The following ROR1 variants were observed in gnomAD, a reference collection of about 807,000 sequenced individuals.
ROR1 encodes ROR family WNT receptor 1.
A neutral mutation model predicts 78.8 loss-of-function variants in ROR1; 19 were observed. The ratio of observed to expected loss-of-function variants is 0.24; its 90% confidence interval spans 0.17 to 0.35. The LOEUF (loss-of-function observed/expected upper bound fraction) is 0.35, where lower values mean the gene tolerates loss of function less well. Among genes scored for constraint, ROR1 ranks in the 10% least tolerant of loss-of-function variants. The pLI is 1.00. For missense variants in ROR1, 917 were observed against 1,177.8 expected, an observed-to-expected ratio of 0.78 and a Z score of 3.24; for synonymous variants, 386 against 433.6, an observed-to-expected ratio of 0.89 and a Z score of 1.36.
At chr1:64,076,138 G>A (rs1464887041) in intron 4 of ROR1, among the ~76,000 whole-genome samples, 4 of 152,098 alleles carry the variant, frequency 2.6e-5, no homozygotes, top group African/African-American at 4.8e-5. Flanking sequence ...CTTATTTCTT[G>A]GAGTAGCAAG....
At position 64,159,139 on chromosome 1, in the gene ROR1, C is replaced by G. The variant is rs200262178; in HGVS notation, c.1333C>G (p.His445Asp). The change falls in exon 8 of 9, where the codon CAC becomes GAC. Residue 445 changes from histidine to aspartate, a missense_variant. Around this residue, in one of 3 missense-constraint regions of ROR1, gnomAD observed 835 missense variants for 1,069.8 expected, o/e 0.78. Transcript: ENST00000371079. ...GGCACCAGTCCAGAGGCAACCAAAACACGTCAGAGGTCAAAATGTAGAGAT... is the reference window on the plus strand; with the variant it reads ...GGCACCAGTCCAGAGGCAACCAAAAGACGTCAGAGGTCAAAATGTAGAGAT... The part of the protein sequence containing the change: ...SSAPVQRQPK[H>D]VRGQNVEMSM... The G allele has an allele frequency of 1.2e-6, 2 of 1,614,106 alleles. No individual in the cohort carries two copies. The highest frequency in any genetic ancestry group is 2.2e-5 in the East Asian group (1 of 44,880).
intron 1 of ROR1, among the ~76,000 whole-genome samples, chr1:63,863,429 A>AGTCATGCCTGTCTTTGGGCTC (rs1553138320): frequency 4.6e-5 from 7 of 152,098 alleles, no homozygotes; most frequent in Non-Finnish European, 7.4e-5. Context: ...TATCTGGGCA[A>AGTCATGCCTGTCTTTGGGCTC]GTCATGCCTG....
chr1:63,793,578 G>T (rs1644739854), intron 1 of ROR1, among the ~76,000 whole-genome samples: 1 of 152,252 alleles, frequency 6.6e-6, no homozygotes, highest in African/African-American at 2.4e-5. Context: ...AGTGCTGGGT[G>T]CTGGCAATGC....
In ROR1 at chr1:64,009,329, A is replaced by C; in HGVS notation, c.116A>C (p.Glu39Ala). 1 of 1,613,728 alleles carries C rather than the reference A, an allele frequency of 6.2e-7. No individual in the cohort carries two copies. Among genetic ancestry groups the C allele is most frequent in the African/African-American group, 1.3e-5 (1 of 74,972 alleles). ...GAAACAGAGCTGTCAGTCAGTGCTG[A>C]ATTAGTGCCTACCTCATCATGGAAC... Reference protein sequence around the residue: ...AQETELSVSAELVPTSSWNIS... With the variant: ...AQETELSVSAALVPTSSWNIS... Residue 39 changes from glutamate (E) to alanine (A), a missense_variant, in exon 2 of 9, where the codon GAA becomes GCA. Coordinates refer to ENST00000371079, the MANE Select transcript of ROR1 (RefSeq NM_005012.4).
chr1:63,966,548 GT>G (rs1240207836), intron 1 of ROR1, among the ~76,000 whole-genome samples: 1 of 152,200 alleles, frequency 6.6e-6, no homozygotes, highest in Non-Finnish European at 1.5e-5. Context: ...TACAACAGAA[GT>G]TAAGGAAAGG....
At chr1:63,949,583 C>T (rs1645918078) in intron 1 of ROR1, among the ~76,000 whole-genome samples, 2 of 152,100 alleles carry the variant, frequency 1.3e-5, no homozygotes, top group Admixed American at 1.3e-4. Flanking sequence ...TTTACGGGTG[C>T]TATTTTCTTT....
intron 1 of ROR1, among the ~76,000 whole-genome samples, chr1:63,907,797 C>G (rs1241991770): frequency 6.6e-6 from 1 of 152,158 alleles, no homozygotes; most frequent in Non-Finnish European, 1.5e-5. Flanking sequence ...AACATGTGTT[C>G]CAATCCTGGG....
chr1:63,799,134 G>T (rs1006963823), intron 1 of ROR1, among the ~76,000 whole-genome samples: 3 of 152,106 alleles, frequency 2.0e-5, no homozygotes, highest in Non-Finnish European at 4.4e-5. Context: ...ACCTTAAAAG[G>T]CTGCTAGGAA....
chr1:63,902,789 CA>C (rs1247089919), intron 1 of ROR1, among the ~76,000 whole-genome samples: 3 of 152,172 alleles, frequency 2.0e-5, no homozygotes, highest in African/African-American at 7.2e-5. Flanking sequence ...AGGAGATAGG[CA>C]GTAGACATTT....
chr1:63,824,749 T>C (rs1026069892), intron 1 of ROR1, among the ~76,000 whole-genome samples: 6 of 152,218 alleles, frequency 3.9e-5, no homozygotes, highest in African/African-American at 1.4e-4. Flanking sequence ...TTTTATTATA[T>C]ATTTACTCAT....
chr1:63,838,477 A>G (rs1041901579), intron 1 of ROR1, among the ~76,000 whole-genome samples: 2 of 152,110 alleles, frequency 1.3e-5, no homozygotes, highest in Non-Finnish European at 2.9e-5. Flanking sequence ...TTTGTGTCTT[A>G]ATTTTTAACT....
At chr1:63,890,081 C>T (rs929857974) in intron 1 of ROR1, among the ~76,000 whole-genome samples, 3 of 147,684 alleles carry the variant, frequency 2.0e-5, no homozygotes, top group Non-Finnish European at 3.0e-5. Flanking sequence ...ATCTTCCTGT[C>T]GTGACCTACT....
intron 8 of ROR1, among the ~76,000 whole-genome samples, chr1:64,170,721 A>T (rs1204167887): frequency 2.0e-5 from 3 of 152,194 alleles, no homozygotes; most frequent in Non-Finnish European, 4.4e-5. Flanking sequence ...GAATGCCTTT[A>T]ACAGCACCCA....
chr1:64,062,478 A>T (rs1288357589), intron 4 of ROR1, among the ~76,000 whole-genome samples: 1 of 151,848 alleles, frequency 6.6e-6, no homozygotes, highest in Non-Finnish European at 1.5e-5. Flanking sequence ...TGCCTGGCTA[A>T]TTTTTTGTAT....
intron 1 of ROR1, among the ~76,000 whole-genome samples, chr1:63,954,933 A>C (rs972863427): frequency 1.3e-5 from 2 of 152,194 alleles, no homozygotes; most frequent in Admixed American, 6.5e-5. Flanking sequence ...TAAGAAGTTA[A>C]CGAAAAACAT....
intron 4 of ROR1, among the ~76,000 whole-genome samples, chr1:64,077,021 T>C (rs1244834333): frequency 6.6e-6 from 1 of 152,146 alleles, no homozygotes; most frequent in Non-Finnish European, 1.5e-5. Context: ...GAGCCTCAGT[T>C]TCCTCATATA....
chr1:63,823,305 A>G (rs1215124665), intron 1 of ROR1, among the ~76,000 whole-genome samples: 1 of 152,088 alleles, frequency 6.6e-6, no homozygotes, highest in African/African-American at 2.4e-5. Flanking sequence ...CCACTCATTC[A>G]TCTACCCACT....
At chr1:64,079,118 C>A (rs538157159) in intron 4 of ROR1, among the ~76,000 whole-genome samples, 4 of 152,294 alleles carry the variant, frequency 2.6e-5, no homozygotes, top group African/African-American at 9.6e-5. Flanking sequence ...CTATTCCATG[C>A]AGCTTCAGGA....
At chr1:63,903,549 C>A (rs542966923) in intron 1 of ROR1, among the ~76,000 whole-genome samples, 2 of 151,942 alleles carry the variant, frequency 1.3e-5, no homozygotes, top group Non-Finnish European at 2.9e-5. Flanking sequence ...AAAGACATGT[C>A]CCTCTCATCT....
Sources: gnomAD v4.1 joint callset for allele counts (sites outside exome capture counted in the v4.1 genomes callset) on GRCh38, gnomAD v4.1.1 for gene constraint, gnomAD v4.1.1 regional missense constraint, MANE v1.5 for transcripts, NCBI Gene and HGNC (gene_info 2026-07-23, HGNC 2026-07-21) for gene names.